Variants in NRXN1 observed in about 807,000 individuals in gnomAD.
NRXN1 encodes the protein neurexin 1, also known as neurexin-1.
NRXN1 carries 39 observed loss-of-function variants against 150.9 expected under a neutral mutation model. The observed-to-expected ratio is 0.26, with a 90% CI of 0.20 to 0.34. The LOEUF is 0.34. Among genes scored for constraint, NRXN1 ranks in the 10% least tolerant of loss-of-function variants. NRXN1 has a pLI of 1.00. For missense variants in NRXN1, 1,815 were observed against 1,949.9 expected, an observed-to-expected ratio of 0.93 and a Z score of 1.30; for synonymous variants, 924 against 757.0, an observed-to-expected ratio of 1.22 and a Z score of -3.62.
intron 18 of NRXN1, among the ~76,000 whole-genome samples, chr2:50,142,491 A>T (rs893228588): frequency 3.9e-5 from 6 of 152,082 alleles, no homozygotes; most frequent in African/African-American, 1.2e-4. Context: ...TAAAAATGAT[A>T]AAAGCTCAAG....
intron 8 of NRXN1, among the ~76,000 whole-genome samples, chr2:50,607,508 AG>A (rs1677330200): frequency 6.6e-6 from 1 of 152,220 alleles, no homozygotes; most frequent in Non-Finnish European, 1.5e-5. Flanking sequence ...TTAGGGCATA[AG>A]CCATTATATT....
chr2:50,227,494 T>A (rs1399585476), intron 18 of NRXN1, among the ~76,000 whole-genome samples: 1 of 151,940 alleles, frequency 6.6e-6, no homozygotes, highest in East Asian at 1.9e-4. Context: ...TGTGCTTTTT[T>A]TCCACTGATG....
At chr2:50,418,154 G>C (rs1032923894) in intron 17 of NRXN1, among the ~76,000 whole-genome samples, 1 of 151,940 alleles carries the variant, frequency 6.6e-6, no homozygotes, top group Admixed American at 6.6e-5. Context: ...TTTAGGAGAT[G>C]AAACAAGTGA....
intron 18 of NRXN1, among the ~76,000 whole-genome samples, chr2:50,163,736 G>A (rs113883461): frequency 1.4e-4 from 21 of 152,138 alleles, no homozygotes; most frequent in East Asian, 1.2e-3. Context: ...TTTTCTTGAC[G>A]TGTGTTAACA....
At chr2:50,661,111 T>C (rs9284753) in intron 5 of NRXN1, among the ~76,000 whole-genome samples, 81,327 of 151,832 alleles carry the variant, frequency 0.54, 22,136 homozygotes, top group East Asian at 0.82. Context: ...GTATGTACTT[T>C]TACTATTCAC....
chr2:50,001,519 T>A (rs1683924553), intron 21 of NRXN1, among the ~76,000 whole-genome samples: 1 of 152,136 alleles, frequency 6.6e-6, no homozygotes, highest in East Asian at 1.9e-4. Flanking sequence ...AGATAGACTC[T>A]GGGGCCAAAT....
chr2:50,011,908 T>A (rs1685733168), intron 21 of NRXN1, among the ~76,000 whole-genome samples: 1 of 152,094 alleles, frequency 6.6e-6, no homozygotes, highest in African/African-American at 2.4e-5. Flanking sequence ...ATATTCTTAG[T>A]CATGATTACA....
At chr2:50,557,234 C>CT (rs1668388884) in intron 8 of NRXN1, among the ~76,000 whole-genome samples, 1 of 152,100 alleles carries the variant, frequency 6.6e-6, no homozygotes, top group Admixed American at 6.6e-5. Context: ...CAGATAATGA[C>CT]TTTTTAAAAT....
intron 17 of NRXN1, among the ~76,000 whole-genome samples, chr2:50,248,436 T>G (rs1438404476): frequency 1.3e-5 from 2 of 152,128 alleles, no homozygotes; most frequent in African/African-American, 2.4e-5. Context: ...CAGGAGAGCA[T>G]TTAGAGGTGG....
intron 18 of NRXN1, among the ~76,000 whole-genome samples, chr2:50,154,482 T>A (rs927369453): frequency 1.3e-5 from 2 of 151,752 alleles, no homozygotes; most frequent in South Asian, 2.1e-4. Context: ...ATAGAAAACC[T>A]TAGACAGCTT....
At chr2:50,722,019 C>T (rs1696722862) in intron 5 of NRXN1, among the ~76,000 whole-genome samples, 1 of 152,032 alleles carries the variant, frequency 6.6e-6, no homozygotes, top group African/African-American at 2.4e-5. Flanking sequence ...GTCTGAATTT[C>T]TTCTGCAGGA....
At chr2:50,930,265 C>A (rs1357468026) in intron 2 of NRXN1, among the ~76,000 whole-genome samples, 1 of 152,012 alleles carries the variant, frequency 6.6e-6, no homozygotes, top group Non-Finnish European at 1.5e-5. Flanking sequence ...CACAGATGTT[C>A]CTGGCATCAC....
At chr2:50,146,522 T>A (rs143602000) in intron 18 of NRXN1, among the ~76,000 whole-genome samples, 175 of 151,866 alleles carry the variant, frequency 1.2e-3, no homozygotes, top group African/African-American at 4.0e-3. Context: ...CAGCAAATCA[T>A]CTGTTCCATT....
intron 17 of NRXN1, among the ~76,000 whole-genome samples, chr2:50,237,350 A>G (rs955976309): frequency 7.2e-5 from 11 of 152,054 alleles, no homozygotes; most frequent in Admixed American, 6.6e-4. Context: ...GCACACATCA[A>G]CTTGGTATTG....
At chr2:50,508,809 A>G (rs560071536) in intron 12 of NRXN1, among the ~76,000 whole-genome samples, 1 of 152,312 alleles carries the variant, frequency 6.6e-6, no homozygotes, top group African/African-American at 2.4e-5. Context: ...TCTGTGCGCC[A>G]ACTTCTAGCT....
rs561121073 is a variant in NRXN1 at position 50,515,878 on chromosome 2, C to T, written c.2375-9261G>A. 5.3e-5 allele frequency among the ~76,000 whole-genome samples: 8 copies of T among 152,092 alleles called. No homozygotes were observed. The East Asian group carries it at 1.5e-3, about 29-fold the overall frequency. On this transcript the variant is annotated intron_variant, in intron 12 of 22. Transcript: ENST00000401669. ...TAGTTGCTGGCAGCAGTACTTCCTA[C>T]CTACAAATGATGAGAGGATATGTTT...
chr2:50,089,214 C>T (rs532052979), intron 19 of NRXN1, among the ~76,000 whole-genome samples: 2 of 152,278 alleles, frequency 1.3e-5, no homozygotes, highest in African/African-American at 4.8e-5. Context: ...TAAATAAAGA[C>T]ATTTTCAAGA....
intron 5 of NRXN1, among the ~76,000 whole-genome samples, chr2:50,853,674 G>C (rs545622661): frequency 6.6e-6 from 1 of 152,198 alleles, no homozygotes; most frequent in Admixed American, 6.5e-5. Flanking sequence ...AAACTCAGAT[G>C]TCTAGCTTTC....
chr2:50,840,091 C>A (rs1672654472), intron 5 of NRXN1, among the ~76,000 whole-genome samples: 1 of 152,096 alleles, frequency 6.6e-6, no homozygotes, highest in African/African-American at 2.4e-5. Context: ...CTATTAATAA[C>A]TCCTCCTGTA....
Sources: allele counts gnomAD v4.1 joint callset (sites outside exome capture counted in the v4.1 genomes callset), GRCh38; gene constraint gnomAD v4.1.1; transcripts MANE v1.5; gene names NCBI Gene and HGNC (gene_info 2026-07-23, HGNC 2026-07-21).